ZDHHC9: variants seen among roughly 807,000 people sequenced by gnomAD.
The protein encoded by ZDHHC9 is palmitoyltransferase ZDHHC9.
ZDHHC9 carries 3 observed loss-of-function variants against 26.6 expected under a neutral mutation model. That is an observed-to-expected ratio of 0.11 (90% CI 0.05 to 0.29). ZDHHC9 has a LOEUF of 0.29. ZDHHC9 is among the 10% of genes least tolerant of loss of function. The pLI, the probability that ZDHHC9 is intolerant of heterozygous loss-of-function variation, is 1.00. For synonymous variants in ZDHHC9, 111 were observed against 109.4 expected (o/e 1.01, Z -0.09); for missense variants, 146 against 296.4 (o/e 0.49, Z 3.73).
intron 3 of ZDHHC9, among the ~76,000 whole-genome samples, chrX:129,829,376 A>T (rs751301993): frequency 9.0e-6 from 1 of 110,931 alleles, no homozygotes; most frequent in Non-Finnish European, 1.9e-5. Flanking sequence ...GCTTGAGGAC[A>T]CTCTCTTACC....
rs1199031410 is a variant in ZDHHC9, at chrX:129,813,685, A to T, written c.666T>A (p.Thr222=). Residue 222 remains threonine (T), a synonymous_variant, in exon 7 of 11, where the codon ACT becomes ACA. Coordinates refer to ENST00000357166, the MANE Select transcript of ZDHHC9 (RefSeq NM_016032.4). The part of the protein sequence containing the change: ...KIGFLETLKE[T]PGTVLEVLIC... ...CTGCCAGCGGAGGATATGTTCCAGGAGTTTCTTTCAATGTCTCCAAGAAGC... is the reference window on the plus strand; with the variant it reads ...CTGCCAGCGGAGGATATGTTCCAGGTGTTTCTTTCAATGTCTCCAAGAAGC... The T allele has an allele frequency of 5.8e-6, 7 of 1,211,244 alleles. No individual in the cohort carries two copies. The Admixed American group carries it at 1.1e-4, about 19-fold the overall frequency.
chrX:129,806,814 G>T (rs1927526457), intron 10 of ZDHHC9, among the ~76,000 whole-genome samples: 1 of 111,707 alleles, frequency 9.0e-6, no homozygotes, highest in Non-Finnish European at 1.9e-5. Flanking sequence ...ATGTAACAAG[G>T]CCTGACCCAA....
intron 5 of ZDHHC9, among the ~76,000 whole-genome samples, chrX:129,819,936 A>G (rs2124112148): frequency 9.0e-6 from 1 of 111,032 alleles, no homozygotes; most frequent in Non-Finnish European, 1.9e-5. Flanking sequence ...GCCTCAAGTG[A>G]TCTGCCCACC....
At chrX:129,841,751 C>G in intron 3 of ZDHHC9, 28 bp downstream of exon 3, 2 of 1,209,855 alleles carry the variant, frequency 1.7e-6, no homozygotes, top group Non-Finnish European at 2.2e-6. Context: ...TAACCATAAT[C>G]AGGTAACTCT....
chrX:129,813,395 G>A (rs1927688612), intron 7 of ZDHHC9, among the ~76,000 whole-genome samples: 1 of 111,613 alleles, frequency 9.0e-6, no homozygotes, highest in Non-Finnish European at 1.9e-5. Flanking sequence ...AGAACTGGTG[G>A]GGGAAAAAAA....
intron 3 of ZDHHC9, among the ~76,000 whole-genome samples, chrX:129,839,964 A>G (rs1928343594): frequency 9.0e-6 from 1 of 111,706 alleles, no homozygotes; most frequent in Non-Finnish European, 1.9e-5. Context: ...TCAAAATGCA[A>G]GAAATAACCT....
At chrX:129,836,505 G>A (rs1928265466) in intron 3 of ZDHHC9, among the ~76,000 whole-genome samples, 1 of 111,701 alleles carries the variant, frequency 9.0e-6, no homozygotes, top group African/African-American at 3.3e-5. Flanking sequence ...GGCTGGTCTC[G>A]AACTCCTGAC....
intron 5 of ZDHHC9, among the ~76,000 whole-genome samples, chrX:129,817,451 TA>T (rs1172703320): frequency 6.5e-5 from 7 of 108,246 alleles, no homozygotes; most frequent in South Asian, 4.0e-4. Context: ...GACCCTGTCT[TA>T]AAAAAAAAAT....
chrX:129,822,440 C>T (rs1345345684), intron 5 of ZDHHC9, among the ~76,000 whole-genome samples: 5 of 83,201 alleles, frequency 6.0e-5, no homozygotes, highest in Admixed American at 1.6e-4. Flanking sequence ...ACAACACATA[C>T]TGGGGTCTGT....
rs1237835530 is a variant in ZDHHC9, at chrX:129,804,970, G to A, written c.*1400C>T. Reference sequence around the variant, plus strand: ...GACACAGTTTAATCGCCTTCAAATAGATGAAAAGTTCTGGTTTACACTCCC... The same window carrying A: ...GACACAGTTTAATCGCCTTCAAATAAATGAAAAGTTCTGGTTTACACTCCC... On this transcript the variant is annotated 3_prime_UTR_variant, in exon 11 of 11. Coordinates refer to ENST00000357166, the MANE Select transcript of ZDHHC9 (RefSeq NM_016032.4). The A allele has an allele frequency of 3.7e-5, 4 of 106,894 alleles. No homozygotes were observed. The highest frequency in any genetic ancestry group is 1.4e-4 in the African/African-American group (4 of 29,226). 8.8% of individuals were successfully genotyped at this position (106,894 alleles called of 1,213,427 possible).
At chrX:129,841,064 G>A (rs919245042) in intron 3 of ZDHHC9, among the ~76,000 whole-genome samples, 1 of 109,632 alleles carries the variant, frequency 9.1e-6, no homozygotes. Flanking sequence ...CAGGAGACAC[G>A]CCACAGTGCC....
In ZDHHC9 at chrX:129,813,657, A is replaced by G. The variant is rs45555436; in HGVS notation, c.674+20T>C. ...TAGCTTAAGAAGGCTTCACAGGGAC[A>G]TACTGCCAGCGGAGGATATGTTCCA... On this transcript the variant is annotated intron_variant, in intron 7 of 10. Transcript: ENST00000357166. 2.6e-5 allele frequency: 31 copies of G among 1,205,859 alleles called. No homozygotes were observed. Among genetic ancestry groups the G allele is most frequent in the South Asian group, 1.2e-4 (7 of 56,756 alleles).
At chrX:129,820,306 G>T (rs1325894966) in intron 5 of ZDHHC9, among the ~76,000 whole-genome samples, 2 of 110,852 alleles carry the variant, frequency 1.8e-5, no homozygotes, top group African/African-American at 6.6e-5. Context: ...TGGGCTGGGG[G>T]TATTGGCTCA....
chrX:129,822,169 C>T (rs1263559664), intron 5 of ZDHHC9, among the ~76,000 whole-genome samples: 4 of 111,089 alleles, frequency 3.6e-5, no homozygotes, highest in Non-Finnish European at 5.7e-5. Context: ...TTTATTGCAG[C>T]ACTATTTACA....
intron 4 of ZDHHC9, among the ~76,000 whole-genome samples, chrX:129,827,268 AAGGG>A (rs1259683171): frequency 2.9e-4 from 21 of 71,592 alleles, no homozygotes; most frequent in South Asian, 1.1e-3. Context: ...GGAAGGAAGG[AAGGG>A]AGGGAGGGAG....
At chrX:129,833,754 C>T (rs1928198831) in intron 3 of ZDHHC9, among the ~76,000 whole-genome samples, 1 of 111,769 alleles carries the variant, frequency 8.9e-6, no homozygotes, top group Non-Finnish European at 1.9e-5. Context: ...GTGACTCAGC[C>T]TCTAAGGGCT....
rs1232925391 is a variant in ZDHHC9, at chrX:129,806,045, C to A, written c.*325G>T. Reference sequence around the variant, plus strand: ...TAGCCCCAGAATGAGACCAGTGACCCCAAGCAGGAGGGCTGGGATCTGGAG... The same window carrying A: ...TAGCCCCAGAATGAGACCAGTGACCACAAGCAGGAGGGCTGGGATCTGGAG... On this transcript the variant is annotated 3_prime_UTR_variant, in exon 11 of 11. Transcript: ENST00000357166. 3.6e-6 allele frequency: 1 copy of A among 277,492 alleles called. No homozygotes were observed. The highest frequency in any genetic ancestry group is 2.8e-5 in the African/African-American group (1 of 35,729). 22.9% of individuals were successfully genotyped at this position (277,492 alleles called of 1,213,427 possible).
intron 6 of ZDHHC9, among the ~76,000 whole-genome samples, 165 bp downstream of exon 6, chrX:129,814,493 G>C (rs1423568297): frequency 9.0e-6 from 1 of 111,721 alleles, no homozygotes; most frequent in African/African-American, 3.3e-5. Context: ...TGTGCACTGA[G>C]GTTTGCAACC....
intron 4 of ZDHHC9, among the ~76,000 whole-genome samples, chrX:129,826,152 A>C (rs1421934012): frequency 1.8e-5 from 2 of 112,111 alleles, no homozygotes; most frequent in Admixed American, 1.9e-4. Context: ...TGTGAAATCA[A>C]ACAATAACAA....
Sources: allele counts gnomAD v4.1 joint callset (sites outside exome capture counted in the v4.1 genomes callset), GRCh38; gene constraint gnomAD v4.1.1; transcripts MANE v1.5; gene names NCBI Gene and HGNC (gene_info 2026-07-23, HGNC 2026-07-21).